POLQ: variants seen among roughly 807,000 people sequenced by gnomAD.
POLQ encodes the protein epididymis secretory sperm binding protein.
Under a neutral mutation model 259.2 loss-of-function variants are expected in POLQ, and 233 were observed. That is an observed-to-expected ratio of 0.90 (90% CI 0.81 to 1.00). The LOEUF is 1.00. Among genes scored for constraint, POLQ ranks in the 50% least tolerant of loss-of-function variants. POLQ has a pLI of 0.00. For missense variants in POLQ, 2,871 were observed against 3,051.6 expected, an observed-to-expected ratio of 0.94 and a Z score of 1.39; for synonymous variants, 1,025 against 1,048.8, an observed-to-expected ratio of 0.98 and a Z score of 0.44.
chr3:121,444,387 C>G (rs975629251), intron 26 of POLQ, among the ~76,000 whole-genome samples: 1 of 151,982 alleles, frequency 6.6e-6, no homozygotes, highest in African/African-American at 2.4e-5. Context: ...ATTTCTTTTT[C>G]AGATTGTTTG....
chr3:121,443,609 CTCATTTG>C, intron 26 of POLQ, among the ~76,000 whole-genome samples: 1 of 152,012 alleles, frequency 6.6e-6, no homozygotes, highest in Non-Finnish European at 1.5e-5. Context: ...CTGATGTGAT[CTCATTTG>C]TCTATTTTTG....
chr3:121,494,086 GTC>G (rs1189887695), intron 14 of POLQ: 13 of 683,772 alleles, frequency 1.9e-5, no homozygotes, highest in African/African-American at 7.2e-5. Context: ...ACATGTAAAG[GTC>G]TCTCTCTTCC....
chr3:121,531,900 T>C (rs532707417), intron 6 of POLQ, among the ~76,000 whole-genome samples: 1 of 152,310 alleles, frequency 6.6e-6, no homozygotes, highest in East Asian at 1.9e-4. Flanking sequence ...CATACCTAGG[T>C]AGTTAGTGAA....
At chr3:121,453,060 G>A (rs1027024711) in intron 25 of POLQ, among the ~76,000 whole-genome samples, 1 of 152,234 alleles carries the variant, frequency 6.6e-6, no homozygotes, top group African/African-American at 2.4e-5. Context: ...GGAACGATCA[G>A]ACAGCAGCAT....
intron 14 of POLQ, 89 bp from the exon 15 acceptor site, chr3:121,493,810 T>C: frequency 7.9e-7 from 1 of 1,258,586 alleles, no homozygotes; most frequent in Non-Finnish European, 1.1e-6. Flanking sequence ...TTTCTTTTGT[T>C]TTTTCCCTGC....
chr3:121,510,191 G>A lies in POLQ; in HGVS notation c.1664C>T (p.Ala555Val). 6.2e-7 allele frequency: 1 copy of A among 1,613,590 alleles called. No individual in the cohort carries two copies. The highest frequency in any genetic ancestry group is 8.5e-7 in the Non-Finnish European group (1 of 1,179,510). Residue 555 changes from alanine to valine, a missense_variant, in exon 11 of 30, where the codon GCC (alanine) becomes GTC (valine). Transcript: ENST00000264233. ...CATACTTGCAGCCAAAAATGTGCAG[G>A]CAGCATAAGTATGCATATCTTGTGA... is the stretch of plus-strand genomic sequence containing the variant. The part of the protein sequence containing the change: ...STSQDMHTYA[A>V]CTFLAASMKE...
chr3:121,485,001 AG>A lies in POLQ; in HGVS notation c.5773+39del, dbSNP rs757674672. On this transcript the variant is annotated intron_variant, in intron 17 of 29. Coordinates refer to ENST00000264233, the MANE Select transcript of POLQ (RefSeq NM_199420.4). ...AGATCACTACCCTAATGGATGTTACAGTAATTACATAGTGACTTAGCCAAAT... is the reference window on the plus strand; with the variant it reads ...AGATCACTACCCTAATGGATGTTACATAATTACATAGTGACTTAGCCAAAT... 383 of 1,458,830 alleles carry A rather than the reference AG, an allele frequency of 2.6e-4. 1 individual carries two copies. Among genetic ancestry groups the A allele is most frequent in the Middle Eastern group, 8.8e-4 (5 of 5,654 alleles). 90.4% of individuals were successfully genotyped at this position (1,458,830 alleles called of 1,614,324 possible).
In POLQ at chr3:121,473,536, T is replaced by A. The variant is rs551709802; in HGVS notation, c.6406-49A>T. The A allele has an allele frequency of 2.2e-5, 33 of 1,468,590 alleles. 1 individual carries two copies. The South Asian group carries it at 3.8e-4, about 17-fold the overall frequency. 91.0% of individuals were successfully genotyped at this position (1,468,590 alleles called of 1,614,324 possible). On this transcript the variant is annotated intron_variant, in intron 20 of 29. Transcript: ENST00000264233. ...AGTCAAGAATGAAACTTGCAAGGAT[T>A]ATCATTCAGAAAATATTTTAAGTTA...
At chr3:121,471,677 G>T (rs576886303) in intron 22 of POLQ, among the ~76,000 whole-genome samples, 1 of 152,208 alleles carries the variant, frequency 6.6e-6, no homozygotes, top group South Asian at 2.1e-4. Context: ...GGGAGGCAGA[G>T]GTTGCAGGGA....
rs1041398358 is a variant in POLQ, at chr3:121,467,571, G to A, written c.6915C>T (p.Asp2305=). The A allele has an allele frequency of 6.2e-7, 1 of 1,613,762 alleles. No individual in the cohort carries two copies. The highest frequency in any genetic ancestry group is 8.5e-7 in the Non-Finnish European group (1 of 1,179,792). Residue 2305 remains aspartate, a synonymous_variant, in exon 24 of 30, where the codon GAC becomes GAT. Transcript: ENST00000264233. ...CQAQMEERAA[D]RGMPFSISMR... is the part of the protein sequence containing the mutation. ...TGCTAATTGAAAATGGCATTCCTCTGTCTGCAGCTCTCTCCTCCATCTGTG... is the reference window on the plus strand; with the variant it reads ...TGCTAATTGAAAATGGCATTCCTCTATCTGCAGCTCTCTCCTCCATCTGTG...
rs1171017673 is a variant in POLQ, at chr3:121,541,385, AAAGGG to A, written c.433_437del (p.Pro145CysfsTer5). On this transcript the variant is annotated frameshift_variant, in exon 3 of 30. Coordinates refer to ENST00000264233, the MANE Select transcript of POLQ (RefSeq NM_199420.4). LOFTEE classifies it high-confidence loss of function. ...ATTTCTTCTCTTTAGCCACAGAAACAAAGGGAAGAATAAACAAAGCTTTCTTCCGC... is the reference window on the plus strand; with the variant it reads ...ATTTCTTCTCTTTAGCCACAGAAACAAAGAATAAACAAAGCTTTCTTCCGC... The A allele has an allele frequency of 6.2e-7, 1 of 1,609,374 alleles. No homozygotes were observed. Among genetic ancestry groups the A allele is most frequent in the African/African-American group, 1.3e-5 (1 of 74,696 alleles).
At chr3:121,441,758 A>C (rs550351824) in intron 26 of POLQ, among the ~76,000 whole-genome samples, 1 of 152,342 alleles carries the variant, frequency 6.6e-6, no homozygotes, top group African/African-American at 2.4e-5. Context: ...CGATAGTAGA[A>C]TTGCACGGTT....
At chr3:121,476,164 A>C (rs2047923794) in intron 20 of POLQ, among the ~76,000 whole-genome samples, 1 of 152,148 alleles carries the variant, frequency 6.6e-6, no homozygotes, top group Non-Finnish European at 1.5e-5. Flanking sequence ...ATGTTAGGGC[A>C]AGCAAGGAAG....
At chr3:121,497,856 C>T (rs2048136663) in intron 13 of POLQ, among the ~76,000 whole-genome samples, 1 of 152,152 alleles carries the variant, frequency 6.6e-6, no homozygotes, top group Non-Finnish European at 1.5e-5. Flanking sequence ...AAAGCATAAC[C>T]CCAGGTGAAG....
rs754865363 is a variant in POLQ at position 121,493,640 on chromosome 3, A to C, written c.2360T>G (p.Phe787Cys). 2 of 1,614,172 alleles carry C rather than the reference A, an allele frequency of 1.2e-6. No homozygotes were observed. Among genetic ancestry groups the C allele is most frequent in the Non-Finnish European group, 1.7e-6 (2 of 1,180,010 alleles). The stretch of plus-strand genomic sequence containing the variant: ...GTCACACAGCTCCCTCTGGATGCCA[A>C]ACGTAAGACGCTTCTGAAATTGGGA... ...LLSQFQKRLTFGIQRELCDLV... is the reference protein window; with the variant it reads ...LLSQFQKRLTCGIQRELCDLV... Residue 787 changes from phenylalanine to cysteine, a missense_variant, in exon 15 of 30, where the codon TTT becomes TGT. Transcript: ENST00000264233.
intron 10 of POLQ, among the ~76,000 whole-genome samples, chr3:121,510,520 T>C (rs889043479): frequency 6.6e-6 from 1 of 151,706 alleles, no homozygotes; most frequent in African/African-American, 2.4e-5. Context: ...AAGCTTGCGG[T>C]GAGCCAAGAT....
chr3:121,513,463 A>C (rs572235459), intron 9 of POLQ, among the ~76,000 whole-genome samples: 14 of 151,544 alleles, frequency 9.2e-5, no homozygotes, highest in African/African-American at 3.4e-4. Context: ...TTAGCTGGGC[A>C]TGGTGGCACG....
Position 121,522,284 on chromosome 3 carries a change from C to CTTTT in POLQ, c.1109-139_1109-136dup, listed in dbSNP as rs748850996. 162 of 56,314 alleles carry CTTTT rather than the reference C, an allele frequency of 2.9e-3. 38 individuals carry two copies. Among genetic ancestry groups the CTTTT allele is most frequent in the East Asian group, 4.1e-3 (6 of 1,456 alleles). 3.5% of individuals were successfully genotyped at this position (56,314 alleles called of 1,614,324 possible). On this transcript the variant is annotated intron_variant, in intron 7 of 29. Transcript: ENST00000264233. ...GCATACTATATAATCCCCTGGAGATCTTTTTTTTTTTTTTTTTTTTTTTTT... is the reference window on the plus strand; with the variant it reads ...GCATACTATATAATCCCCTGGAGATCTTTTTTTTTTTTTTTTTTTTTTTTTTTTT...
Position 121,489,178 on chromosome 3 carries a change from A to G in POLQ, c.3753T>C (p.His1251=). The G allele has an allele frequency of 6.2e-7, 1 of 1,612,880 alleles. No individual in the cohort carries two copies. The highest frequency in any genetic ancestry group is 1.7e-4 in the Middle Eastern group (1 of 6,056). ...TTATATCATCTCCTAATGCCTGAAAATGACTTGGTTTATTTTCCTCTGTAT... is the reference window on the plus strand; with the variant it reads ...TTATATCATCTCCTAATGCCTGAAAGTGACTTGGTTTATTTTCCTCTGTAT... The part of the protein sequence containing the change: ...KLNTEENKPS[H]FQALGDDISR... Residue 1251 remains histidine, a synonymous_variant, in exon 16 of 30, where the codon CAT becomes CAC. Coordinates refer to ENST00000264233, the MANE Select transcript of POLQ (RefSeq NM_199420.4).
Sources: gnomAD v4.1 joint callset for allele counts (sites outside exome capture counted in the v4.1 genomes callset) on GRCh38, gnomAD v4.1.1 for gene constraint, MANE v1.5 for transcripts, NCBI Gene and HGNC (gene_info 2026-07-23, HGNC 2026-07-21) for gene names.